PCDH11X: variants seen among roughly 807,000 people sequenced by gnomAD.
PCDH11X encodes protocadherin-11 X-linked.
A neutral mutation model predicts 53.3 loss-of-function variants in PCDH11X; 18 were observed. The ratio of observed to expected loss-of-function variants is 0.34; its 90% confidence interval spans 0.23 to 0.50. PCDH11X has a LOEUF of 0.50. Among genes scored for constraint, PCDH11X ranks in the 20% least tolerant of loss-of-function variants. PCDH11X has a pLI of 0.98. For synonymous variants in PCDH11X, 279 were observed against 393.3 expected (o/e 0.71, Z 3.44); for missense variants, 570 against 1,032.4 (o/e 0.55, Z 6.14).
rs1188191046 is a variant in PCDH11X, at chrX:92,177,219, C to T, written c.3034-24156C>T. ...TCTTGAACTCCTGACCTCAAGCAAT[C>T]TGCCTGCCTTGGCTTCCCAAAGTGC... On this transcript the variant is annotated intron_variant, in intron 6 of 10. Transcript: ENST00000682573. 3.3e-4 allele frequency among the ~76,000 whole-genome samples: 37 copies of T among 110,855 alleles called. No individual in the cohort carries two copies. In the Admixed American group the frequency reaches 3.5e-3, roughly 10 times the overall value.
At chrX:92,353,071 C>G (rs1233326455) in intron 8 of PCDH11X, among the ~76,000 whole-genome samples, 2 of 111,730 alleles carry the variant, frequency 1.8e-5, no homozygotes, top group Non-Finnish European at 3.8e-5. Flanking sequence ...AACAGCTTAT[C>G]AAGATGTGCA....
intron 4 of PCDH11X, among the ~76,000 whole-genome samples, chrX:91,826,401 T>A (rs777322316): frequency 9.1e-6 from 1 of 109,545 alleles, no homozygotes; most frequent in Non-Finnish European, 1.9e-5. Flanking sequence ...TAGGGTTTAT[T>A]TTAACTTATA....
intron 8 of PCDH11X, among the ~76,000 whole-genome samples, chrX:92,311,411 C>A (rs1199727980): frequency 9.1e-6 from 1 of 109,643 alleles, no homozygotes; most frequent in Non-Finnish European, 1.9e-5. Context: ...GATGTGCCAT[C>A]ACCACAGGTA....
At chrX:91,903,103 G>C (rs1268556449) in intron 6 of PCDH11X, among the ~76,000 whole-genome samples, 1 of 110,965 alleles carries the variant, frequency 9.0e-6, no homozygotes, top group East Asian at 2.8e-4. Flanking sequence ...TGGTAAAGCT[G>C]TTATTTAAAT....
At chrX:92,236,474 T>C (rs996981257) in intron 7 of PCDH11X, among the ~76,000 whole-genome samples, 3 of 111,902 alleles carry the variant, frequency 2.7e-5, no homozygotes, top group Non-Finnish European at 5.7e-5. Flanking sequence ...ATTCCTCTTA[T>C]GACTCATTGA....
chrX:92,613,524 G>GTTTT (rs200455058), intron 10 of PCDH11X, among the ~76,000 whole-genome samples: 1 of 83,062 alleles, frequency 1.2e-5, no homozygotes, highest in African/African-American at 5.7e-5. Flanking sequence ...TTGCCTTTAA[G>GTTTT]TTTTTTTGTT....
chrX:92,359,802 C>A (rs183529889), intron 8 of PCDH11X, among the ~76,000 whole-genome samples: 249 of 110,657 alleles, frequency 2.3e-3, no homozygotes, highest in Non-Finnish European at 4.0e-3. Flanking sequence ...GTAGTTTATT[C>A]CACTGTGGGT....
chrX:92,108,520 A>G (rs1021370766), intron 6 of PCDH11X, among the ~76,000 whole-genome samples: 6 of 111,690 alleles, frequency 5.4e-5, no homozygotes, highest in African/African-American at 2.0e-4. Context: ...ATGATTAAAA[A>G]AAAAAGCTTT....
At chrX:92,523,766 C>T (rs752765403) in intron 10 of PCDH11X, among the ~76,000 whole-genome samples, 6 of 111,757 alleles carry the variant, frequency 5.4e-5, no homozygotes, top group South Asian at 7.4e-4. Context: ...TCTGGTAGTT[C>T]GCATTGTCAT....
At chrX:92,562,970 T>C (rs1041240514) in intron 10 of PCDH11X, among the ~76,000 whole-genome samples, 1 of 108,670 alleles carries the variant, frequency 9.2e-6, no homozygotes, top group African/African-American at 3.4e-5. Context: ...ACTCTTCCAG[T>C]TTCTGTCTGC....
rs750046888 is a variant in PCDH11X at position 92,208,154 on chromosome X, C to G, written c.3114+6699C>G. ...AGGTTGCAGTGAGCTGAGATTGTAC[C>G]AATGCACTCCAGCCTGGGTGATAGA... On this transcript the variant is annotated intron_variant, in intron 7 of 10. Coordinates refer to ENST00000682573, the MANE Select transcript of PCDH11X (RefSeq NM_032968.5). 3.1e-3 allele frequency among the ~76,000 whole-genome samples: 311 copies of G among 100,610 alleles called. 1 individual carries two copies. The highest frequency in any genetic ancestry group is 5.2e-3 in the Non-Finnish European group (266 of 50,702). The allele number at this position is 100,610 out of a possible 115,157, so 87.4% of individuals were successfully genotyped here. A position where few individuals can be genotyped will look rare whatever the true frequency, so the allele number is the denominator to read the frequency against.
chrX:91,872,598 T>A (rs1325725149), intron 5 of PCDH11X, among the ~76,000 whole-genome samples: 1 of 108,994 alleles, frequency 9.2e-6, no homozygotes, highest in Non-Finnish European at 1.9e-5. Context: ...CCTAGAGATA[T>A]ACACATAGAG....
intron 9 of PCDH11X, among the ~76,000 whole-genome samples, chrX:92,389,612 G>T (rs1354943212): frequency 1.8e-5 from 2 of 111,083 alleles, no homozygotes; most frequent in African/African-American, 6.5e-5. Flanking sequence ...AACTGAATGA[G>T]ACTCAAATGG....
At chrX:91,811,166 A>G (rs1407035946) in intron 3 of PCDH11X, 71 bp from the exon 4 acceptor site, 2 of 1,011,203 alleles carry the variant, frequency 2.0e-6, no homozygotes, top group Non-Finnish European at 2.7e-6. Flanking sequence ...ATTTAAGTTT[A>G]AACTGATTAC....
intron 1 of PCDH11X, among the ~76,000 whole-genome samples, chrX:91,803,942 A>G (rs1418142947): frequency 1.8e-5 from 2 of 110,932 alleles, no homozygotes; most frequent in African/African-American, 6.5e-5. Flanking sequence ...CAGGAATCCA[A>G]ATAGCCTGAG....
intron 6 of PCDH11X, among the ~76,000 whole-genome samples, chrX:92,107,215 G>A (rs1218062232): frequency 9.0e-6 from 1 of 111,293 alleles, no homozygotes. Context: ...GTTGATTGAC[G>A]TGTGATGTCT....
At chrX:92,309,634 A>G (rs1434928243) in intron 8 of PCDH11X, among the ~76,000 whole-genome samples, 2 of 112,089 alleles carry the variant, frequency 1.8e-5, no homozygotes, top group African/African-American at 3.2e-5. Flanking sequence ...GTACACTTAA[A>G]ATGGGTTAAA....
At chrX:92,272,978 G>A (rs1021043675) in intron 8 of PCDH11X, among the ~76,000 whole-genome samples, 8 of 112,265 alleles carry the variant, frequency 7.1e-5, no homozygotes, top group African/African-American at 2.6e-4. Flanking sequence ...TACTCATTTA[G>A]GTGTAACAGC....
intron 6 of PCDH11X, among the ~76,000 whole-genome samples, chrX:91,921,237 A>C (rs1390448572): frequency 3.6e-5 from 4 of 109,812 alleles, no homozygotes; most frequent in African/African-American, 1.3e-4. Flanking sequence ...TCTACCCTAC[A>C]CATGTGTAAC....
Sources: allele counts gnomAD v4.1 joint callset (sites outside exome capture counted in the v4.1 genomes callset), GRCh38; gene constraint gnomAD v4.1.1; transcripts MANE v1.5; gene names NCBI Gene and HGNC (gene_info 2026-07-23, HGNC 2026-07-21).